Variants in PRKAG3 observed in about 807,000 individuals in gnomAD.
The protein encoded by PRKAG3 is 5'-AMP-activated protein kinase subunit gamma-3.
Under a neutral mutation model 56.5 loss-of-function variants are expected in PRKAG3, and 39 were observed. The observed-to-expected ratio is 0.69, with a 90% CI of 0.53 to 0.90. The LOEUF is 0.90. Among genes scored for constraint, PRKAG3 ranks in the 40% least tolerant of loss-of-function variants. PRKAG3 has a pLI of 0.00. For missense variants in PRKAG3, 628 were observed against 627.5 expected (o/e 1.00, Z -0.01); for synonymous variants, 243 against 250.1 (o/e 0.97, Z 0.27).
In PRKAG3 at chr2:218,827,310, C is replaced by G. The variant is rs61756441; in HGVS notation, c.939G>C (p.Pro313=). Reference sequence around the variant, plus strand: ...GGATGTGGAGTACGTTGCCTGACACCGGGTCAAGAACAGGCAGGCGATGGA... The same window carrying G: ...GGATGTGGAGTACGTTGCCTGACACGGGGTCAAGAACAGGCAGGCGATGGA... Residue 313 remains proline (P), a synonymous_variant, in exon 9 of 13, where the codon CCG becomes CCC. Coordinates refer to ENST00000529249, the Ensembl canonical transcript of PRKAG3. The surrounding 1 kb of genome is among the most constrained non-coding windows in gnomAD (Gnocchi z 5.3). The G allele has an allele frequency of 1.9e-5, 31 of 1,614,084 alleles. No individual in the cohort carries two copies. Among genetic ancestry groups the G allele is most frequent in the Non-Finnish European group, 2.6e-5 (31 of 1,180,010 alleles).
At chr2:218,830,889 A>G (rs756777551) in exon 3 of PRKAG3, 11 of 1,613,676 alleles carry the variant, frequency 6.8e-6, no homozygotes, top group African/African-American at 1.3e-5. Context: ...TTCTTGCTCT[A>G]GGAAGCTCAT....
intron 4 of PRKAG3, among the ~76,000 whole-genome samples, 193 bp downstream of exon 4, chr2:218,829,785 T>C (rs1394078926): frequency 6.6e-6 from 1 of 152,224 alleles, no homozygotes; most frequent in South Asian, 2.1e-4. Context: ...AGAGCTGTGA[T>C]GACAATTACG....
chr2:218,831,770 T>C, exon 1 of PRKAG3: 1 of 1,610,190 alleles, frequency 6.2e-7, no homozygotes. Context: ...CCGGGCTCCA[T>C]GTGGCCAGCC....
At position 218,824,596 on chromosome 2, in the gene PRKAG3, G is replaced by T. The variant is rs369695220; in HGVS notation, c.1169-20C>A. 6.9e-6 allele frequency: 11 copies of T among 1,604,980 alleles called. No individual in the cohort carries two copies. Among genetic ancestry groups the T allele is most frequent in the South Asian group, 3.3e-5 (3 of 90,908 alleles). On this transcript the variant is annotated intron_variant, in intron 10 of 12. Coordinates refer to ENST00000529249, the Ensembl canonical transcript of PRKAG3. ...CCTGACCTGCAGAGGGTGGTTGTGG[G>T]GGGTGGGGGGAGAAAGACAGGGAAG...
At chr2:218,831,277 G>A in intron 2 of PRKAG3, 59 bp downstream of exon 2, 6 of 1,339,530 alleles carry the variant, frequency 4.5e-6, no homozygotes, top group South Asian at 4.2e-5. Context: ...TCCCAGAAAA[G>A]TGGGGGACAA....
intron 3 of PRKAG3, 39 bp from the exon 4 acceptor site, chr2:218,830,420 C>A: frequency 6.3e-7 from 1 of 1,584,938 alleles, no homozygotes; most frequent in South Asian, 1.1e-5. Context: ...GTAACTCCAT[C>A]TTCCAAAGCA....
At position 218,827,614 on chromosome 2, in the gene PRKAG3, C is replaced by T. The variant is rs572169926; in HGVS notation, c.836G>A (p.Gly279Asp). The T allele has an allele frequency of 2.5e-6, 4 of 1,614,088 alleles. No individual in the cohort carries two copies. The highest frequency in any genetic ancestry group is 1.3e-5 in the African/African-American group (1 of 75,014). The change falls in exon 8 of 13, where the codon GGC (glycine) becomes GAC (aspartate). Residue 279 changes from glycine (G) to aspartate (D), a missense_variant. Transcript: ENST00000529249. The surrounding 1 kb of genome is among the most constrained non-coding windows in gnomAD (Gnocchi z 5.3). ...GATGGAGACCAGAGGCTTGAAGCAG[C>T]CTTGCAGGTAGATCTCTGCAGAAAG...
chr2:218,830,369 C>T (rs1324214131), exon 4 of PRKAG3: 2 of 1,607,932 alleles, frequency 1.2e-6, no homozygotes. Context: ...AGCAGCTGGC[C>T]TGGACCGGGG....
In PRKAG3 at chr2:218,829,968, G is replaced by T. The variant is rs370486325; in HGVS notation, c.633+10C>A. On this transcript the variant is annotated intron_variant, in intron 4 of 12. Coordinates refer to ENST00000529249, the Ensembl canonical transcript of PRKAG3. ...GAGTGAGTACAGGTTGGGCAGAGCC[G>T]TGGCCTCACCTCCAGCATGGTGTCG... 3.7e-6 allele frequency: 6 copies of T among 1,611,852 alleles called. No homozygotes were observed. Among genetic ancestry groups the T allele is most frequent in the Non-Finnish European group, 5.1e-6 (6 of 1,180,000 alleles).
Position 218,823,850 on chromosome 2 carries a change from GTC to G in PRKAG3, c.1380_1381del (p.Glu460AspfsTer132), listed in dbSNP as rs777453193. ...GGAGACCACGCCCAAGAGATGCTGG[GTC>G]TCGTCCACTAGCACCAGCCTGTGTA... On this transcript the variant is annotated frameshift_variant, in exon 13 of 13. Transcript: ENST00000529249. LOFTEE classifies it high-confidence loss of function. 1 of 1,614,126 alleles carries G rather than the reference GTC, an allele frequency of 6.2e-7. No individual in the cohort carries two copies. The highest frequency in any genetic ancestry group is 1.1e-5 in the South Asian group (1 of 91,090).
rs535544559 is a variant in PRKAG3, at chr2:218,831,746, G to T, written c.25C>A (p.Leu9Met). Residue 9 changes from leucine (L) to methionine (M), a missense_variant, in exon 1 of 13, where the codon CTG (leucine) becomes ATG (methionine). Coordinates refer to ENST00000529249, the Ensembl canonical transcript of PRKAG3. ...CCCTGGGACCCCCATACCCTGCGCAGTGCGTGCTCCAGCCCGGGCTCCATG... is the reference window on the plus strand; with the variant it reads ...CCCTGGGACCCCCATACCCTGCGCATTGCGTGCTCCAGCCCGGGCTCCATG... 9 of 1,611,134 alleles carry T rather than the reference G, an allele frequency of 5.6e-6. No individual in the cohort carries two copies. In the Admixed American group the frequency reaches 1.2e-4, roughly 21 times the overall value.
chr2:218,826,240 C>T (rs1026675719), intron 10 of PRKAG3, among the ~76,000 whole-genome samples: 7 of 152,112 alleles, frequency 4.6e-5, no homozygotes, highest in Non-Finnish European at 8.8e-5. Context: ...TCTACCATTT[C>T]TATACATTTG....
At chr2:218,831,267 T>C in intron 2 of PRKAG3, 69 bp downstream of exon 2, 1 of 1,232,258 alleles carries the variant, frequency 8.1e-7, no homozygotes, top group Non-Finnish European at 1.1e-6. Context: ...GGAATTGGGG[T>C]CCCAGAAAAG....
intron 5 of PRKAG3, 26 bp from the exon 6 acceptor site, chr2:218,828,088 C>T: frequency 6.5e-7 from 1 of 1,548,656 alleles, no homozygotes; most frequent in East Asian, 2.4e-5. Flanking sequence ...GGGAGGAGGT[C>T]AGCCCGGGGC....
intron 10 of PRKAG3, 29 bp downstream of exon 10, chr2:218,826,899 C>G: frequency 6.2e-7 from 1 of 1,613,414 alleles, no homozygotes. Context: ...CCCAGCCCAG[C>G]CCGAGCCTCT....
At chr2:218,825,298 T>C (rs1447688843) in intron 10 of PRKAG3, among the ~76,000 whole-genome samples, 2 of 147,308 alleles carry the variant, frequency 1.4e-5, no homozygotes, top group African/African-American at 5.1e-5. Flanking sequence ...ATTGCACCAT[T>C]GCATTCTAGC....
chr2:218,831,509 G>A (rs1478060197), intron 1 of PRKAG3, 134 bp from the exon 2 acceptor site: 1 of 996,514 alleles, frequency 1.0e-6, no homozygotes, highest in African/African-American at 1.6e-5. Flanking sequence ...CAGACATGCA[G>A]CCATACACAA....
Position 218,828,615 on chromosome 2 carries a change from A to G in PRKAG3, c.634-15T>C, listed in dbSNP as rs1185245167. 1.2e-6 allele frequency: 2 copies of G among 1,610,100 alleles called. No individual in the cohort carries two copies. Reference sequence around the variant, plus strand: ...GCCTTCTTGATCTGAGGGGCCAGGGAGAACAGTCAAGGGTGGGTCCCGAGA... The same window carrying G: ...GCCTTCTTGATCTGAGGGGCCAGGGGGAACAGTCAAGGGTGGGTCCCGAGA... On this transcript the variant is annotated splice_polypyrimidine_tract_variant and intron_variant, in intron 4 of 12. Transcript: ENST00000529249.
At chr2:218,823,119 G>A (rs1041660544), downstream of PRKAG3, 12 of 902,536 alleles carry the variant, frequency 1.3e-5, no homozygotes, top group Non-Finnish European at 1.6e-5. Flanking sequence ...ACATAGGAGG[G>A]ACAGCGGCCT....
Sources: allele counts gnomAD v4.1 joint callset (sites outside exome capture counted in the v4.1 genomes callset), GRCh38; gene constraint gnomAD v4.1.1; non-coding constraint Gnocchi (gnomAD v3.1); transcripts MANE v1.5; gene names NCBI Gene and HGNC (gene_info 2026-07-23, HGNC 2026-07-21).